The following CNOT6 variants were observed in gnomAD, a reference collection of about 807,000 sequenced individuals.
The protein encoded by CNOT6 is carbon catabolite repression 4 protein.
Under a neutral mutation model 61.2 loss-of-function variants are expected in CNOT6, and 12 were observed. That is an observed-to-expected ratio of 0.20 (90% CI 0.13 to 0.32). CNOT6 has a LOEUF of 0.32. Among genes scored for constraint, CNOT6 ranks in the 10% least tolerant of loss-of-function variants. The pLI, the probability that CNOT6 is intolerant of heterozygous loss-of-function variation, is 1.00. For synonymous variants in CNOT6, 225 were observed against 240.6 expected (o/e 0.94, Z 0.60); for missense variants, 405 against 663.9 (o/e 0.61, Z 4.28).
intron 1 of CNOT6, among the ~76,000 whole-genome samples, chr5:180,495,156 T>G (rs944410924): frequency 6.6e-6 from 1 of 152,190 alleles, no homozygotes; most frequent in Non-Finnish European, 1.5e-5. Flanking sequence ...GCGCGCTGTG[T>G]GGAGTGTGGA....
At chr5:180,561,312 T>A (rs1030160037) in intron 4 of CNOT6, among the ~76,000 whole-genome samples, 37 of 152,070 alleles carry the variant, frequency 2.4e-4, no homozygotes, top group South Asian at 1.0e-3. Flanking sequence ...TTTATTTGCC[T>A]GAACTTTGTT....
intron 6 of CNOT6, among the ~76,000 whole-genome samples, chr5:180,565,130 G>A (rs1341325748): frequency 6.6e-6 from 1 of 152,250 alleles, no homozygotes; most frequent in Admixed American, 6.5e-5. Flanking sequence ...AATGTCAGTA[G>A]TGCGACTCTG....
intron 1 of CNOT6, among the ~76,000 whole-genome samples, chr5:180,496,069 C>A (rs1221536978): frequency 1.3e-5 from 2 of 152,110 alleles, no homozygotes; most frequent in Non-Finnish European, 2.9e-5. Context: ...GACACCACCA[C>A]GGCTAATTTT....
chr5:180,553,334 C>G (rs1759714511), intron 3 of CNOT6, 52 bp from the exon 4 acceptor site: 2 of 1,200,070 alleles, frequency 1.7e-6, no homozygotes, highest in East Asian at 2.4e-5. Flanking sequence ...TTGATTTTAA[C>G]TGTTAAAGGC....
chr5:180,509,731 C>T (rs975397566), intron 1 of CNOT6, among the ~76,000 whole-genome samples: 16 of 151,408 alleles, frequency 1.1e-4, no homozygotes, highest in African/African-American at 2.7e-4. Context: ...TTTATTTTTA[C>T]GTAGAGACAG....
Position 180,574,441 on chromosome 5 carries a change from C to T in CNOT6, c.*241C>T. The T allele has an allele frequency of 1.8e-6, 1 of 548,654 alleles. No homozygotes were observed. The highest frequency in any genetic ancestry group is 3.3e-6 in the Non-Finnish European group (1 of 306,410). The allele number at this position is 548,654 out of a possible 1,614,324, so 34.0% of individuals were successfully genotyped here. On this transcript the variant is annotated 3_prime_UTR_variant, in exon 12 of 12. Coordinates refer to ENST00000261951, the MANE Select transcript of CNOT6 (RefSeq NM_001370472.1). ...GTGTTTGCACCTGTCTTTCATTTGT[C>T]ATAAGAGATTTTCCTATTTCTTCTA...
chr5:180,549,361 T>C (rs1242788436), intron 2 of CNOT6, among the ~76,000 whole-genome samples: 1 of 152,154 alleles, frequency 6.6e-6, no homozygotes, highest in Non-Finnish European at 1.5e-5. Context: ...TTTTAAAGGA[T>C]AAATTTGGCC....
At position 180,569,293 on chromosome 5, in the gene CNOT6, C is replaced by G. The variant is rs1334678495; in HGVS notation, c.1211C>G (p.Thr404Ser). Reference protein sequence around the residue: ...LKSSVLGEFGTIPLVLCADLN... With the variant: ...LKSSVLGEFGSIPLVLCADLN... ...TCCAGTGTTTTGGGAGAATTTGGAA[C>G]TATTCCACTTGTGTTATGTGCAGAT... The change falls in exon 10 of 12, where the codon ACT becomes AGT. Residue 404 changes from threonine to serine, a missense_variant. Physicochemically the swap from Thr to Ser is moderately conservative, Grantham distance 58. Around this residue, in one of 5 missense-constraint regions of CNOT6, gnomAD observed 116 missense variants for 184.6 expected, o/e 0.63. Coordinates refer to ENST00000261951, the MANE Select transcript of CNOT6 (RefSeq NM_001370472.1). 1 of 1,613,984 alleles carries G rather than the reference C, an allele frequency of 6.2e-7. No homozygotes were observed. Among genetic ancestry groups the G allele is most frequent in the Non-Finnish European group, 8.5e-7 (1 of 1,179,934 alleles).
At chr5:180,549,644 G>C (rs1158311493) in intron 2 of CNOT6, among the ~76,000 whole-genome samples, 1 of 149,914 alleles carries the variant, frequency 6.7e-6, no homozygotes, top group Non-Finnish European at 1.5e-5. Context: ...GCGAGACTCC[G>C]TTTCAAAAAA....
chr5:180,505,380 C>A (rs1324482085), intron 1 of CNOT6, among the ~76,000 whole-genome samples: 5 of 141,392 alleles, frequency 3.5e-5, no homozygotes, highest in Non-Finnish European at 7.6e-5. Flanking sequence ...CTCAGCCTCC[C>A]GAGTAGCTGG....
chr5:180,536,237 G>A (rs1041701618), intron 2 of CNOT6, among the ~76,000 whole-genome samples: 5 of 151,838 alleles, frequency 3.3e-5, no homozygotes, highest in African/African-American at 1.2e-4. Flanking sequence ...CTGACCTTGT[G>A]ATCCGCCTGC....
At chr5:180,559,448 T>C (rs1213616071) in intron 4 of CNOT6, among the ~76,000 whole-genome samples, 1 of 152,212 alleles carries the variant, frequency 6.6e-6, no homozygotes, top group Non-Finnish European at 1.5e-5. Context: ...GATCAACTTT[T>C]GCATTATATA....
intron 2 of CNOT6, among the ~76,000 whole-genome samples, chr5:180,533,169 C>A (rs1312605766): frequency 6.6e-6 from 1 of 151,874 alleles, no homozygotes; most frequent in Non-Finnish European, 1.5e-5. Flanking sequence ...GGTCTTCTGA[C>A]CCACAGTGAG....
rs373712029 is a variant in CNOT6 at position 180,577,671 on chromosome 5, A to G, written c.*3471A>G. 21 of 152,786 alleles carry G rather than the reference A, an allele frequency of 1.4e-4. 1 individual carries two copies. The highest frequency in any genetic ancestry group is 1.1e-3 in the Admixed American group (17 of 15,302). The allele number at this position is 152,786 out of a possible 1,614,324, so 9.5% of individuals were successfully genotyped here. A position where few individuals can be genotyped will look rare whatever the true frequency, so the allele number is the denominator to read the frequency against. ...ATCTAGTCTTTATTCACAGTACATT[A>G]TATTGTGTGATGCACTGGACTAACT... On this transcript the variant is annotated 3_prime_UTR_variant, in exon 12 of 12. Coordinates refer to ENST00000261951, the MANE Select transcript of CNOT6 (RefSeq NM_001370472.1).
intron 9 of CNOT6, 93 bp downstream of exon 9, chr5:180,568,096 C>G (rs1760554189): frequency 7.8e-7 from 1 of 1,285,602 alleles, no homozygotes; most frequent in Non-Finnish European, 1.1e-6. Flanking sequence ...TATTCATGGT[C>G]TTGTCTAACA....
chr5:180,530,781 G>T (rs11748346), intron 2 of CNOT6, among the ~76,000 whole-genome samples: 2 of 151,282 alleles, frequency 1.3e-5, no homozygotes, highest in South Asian at 4.2e-4. Context: ...TAAGGAGCAT[G>T]CTGCCTTCAA....
intron 2 of CNOT6, among the ~76,000 whole-genome samples, chr5:180,532,477 A>C (rs1480050672): frequency 2.0e-5 from 3 of 152,138 alleles, no homozygotes; most frequent in African/African-American, 7.2e-5. Flanking sequence ...GAAGTTCTGT[A>C]TACACATATA....
At chr5:180,563,257 C>G (rs989303675) in intron 4 of CNOT6, among the ~76,000 whole-genome samples, 1 of 151,098 alleles carries the variant, frequency 6.6e-6, no homozygotes, top group Non-Finnish European at 1.5e-5. Context: ...GCTCTGTTGC[C>G]CAGGCTGGAG....
In CNOT6 at chr5:180,567,841, T is replaced by C; in HGVS notation, c.873-8T>C. 6.2e-7 allele frequency: 1 copy of C among 1,614,140 alleles called. No homozygotes were observed. The highest frequency in any genetic ancestry group is 1.1e-5 in the South Asian group (1 of 91,080). On this transcript the variant is annotated splice_region_variant and splice_polypyrimidine_tract_variant and intron_variant, in intron 8 of 11. Transcript: ENST00000261951. Reference sequence around the variant, plus strand: ...TGTGTGTGTGTGTGTGTGTTGTTTTTGTTTTAGATTTACTTTGGTTCAGAA... The same window carrying C: ...TGTGTGTGTGTGTGTGTGTTGTTTTCGTTTTAGATTTACTTTGGTTCAGAA...
Sources: allele counts gnomAD v4.1 joint callset (sites outside exome capture counted in the v4.1 genomes callset), GRCh38; gene constraint gnomAD v4.1.1; regional missense constraint gnomAD v4.1.1; transcripts MANE v1.5; gene names NCBI Gene and HGNC (gene_info 2026-07-23, HGNC 2026-07-21).